Variants in ABR observed in about 807,000 individuals in gnomAD.
ABR encodes the protein ABR activator of RhoGEF and GTPase.
ABR carries 35 observed loss-of-function variants against 107.2 expected under a neutral mutation model. The ratio of observed to expected loss-of-function variants is 0.33; its 90% CI spans 0.25 to 0.43. ABR has a LOEUF of 0.43. ABR is among the 20% of genes least tolerant of loss of function. The pLI is 1.00. For synonymous variants in ABR, 498 were observed against 462.0 expected (o/e 1.08, Z -1.00); for missense variants, 815 against 1,115.2 (o/e 0.73, Z 3.83).
At chr17:1,180,224 C>G (rs1311794037), upstream of ABR, among the ~76,000 whole-genome samples, 1 of 152,066 alleles carries the variant, frequency 6.6e-6, no homozygotes, top group African/African-American at 2.4e-5. Context: ...CTCGTCCCCC[C>G]CGCGCCGGGC....
rs1001202054 is a variant in ABR at position 1,071,973 on chromosome 17, G to A, written c.894+641C>T. Among the ~76,000 whole-genome samples the A allele has an allele frequency of 7.2e-5, 11 of 152,180 alleles. No individual in the cohort carries two copies. Among genetic ancestry groups the A allele is most frequent in the East Asian group, 1.9e-4 (1 of 5,198 alleles). ...GGCTGGAGTGCAGTGGTGCGATCTC[G>A]GCTCACTGTAACCTCCGCCTCCTGG... On this transcript the variant is annotated intron_variant, in intron 8 of 22. Coordinates refer to ENST00000302538, the MANE Select transcript of ABR (RefSeq NM_021962.5). This position sits in a 1 kb window ranked among gnomAD's most constrained non-coding sequence, Gnocchi z 5.1.
intron 16 of ABR, among the ~76,000 whole-genome samples, chr17:1,018,607 G>A (rs76292169): frequency 9.9e-5 from 15 of 152,056 alleles, no homozygotes; most frequent in South Asian, 2.1e-4. Context: ...CAACCTGGTC[G>A]GGGGGAGTGT....
chr17:1,113,684 CAG>C (rs1249330706), intron 2 of ABR, among the ~76,000 whole-genome samples: 6 of 152,216 alleles, frequency 3.9e-5, no homozygotes, highest in African/African-American at 1.4e-4. Flanking sequence ...CTGGTGCCCT[CAG>C]AGCCCACTCT....
intron 16 of ABR, among the ~76,000 whole-genome samples, chr17:1,033,764 G>C: frequency 6.6e-6 from 1 of 152,134 alleles, no homozygotes; most frequent in Admixed American, 6.6e-5. Flanking sequence ...CACCGCCTGA[G>C]GGGGAGGTGG....
intron 1 of ABR, among the ~76,000 whole-genome samples, chr17:1,170,710 A>C (rs59970882): frequency 0.016 from 2,509 of 152,160 alleles, 74 homozygotes; most frequent in African/African-American, 0.057. Flanking sequence ...TGCTGGGATT[A>C]CAGGCGTGAG....
chr17:1,021,860 G>A (rs537586235), intron 16 of ABR, among the ~76,000 whole-genome samples: 7 of 141,908 alleles, frequency 4.9e-5, no homozygotes, highest in African/African-American at 7.9e-5. Context: ...GGACAGGAAC[G>A]CTAGAAAATG....
Position 1,125,521 on chromosome 17 carries a change from C to A in ABR, c.62-154G>T, listed in dbSNP as rs1597905152. On this transcript the variant is annotated intron_variant, in intron 1 of 22. Transcript: ENST00000302538. Reference sequence around the variant, plus strand: ...GGCGGGGGCTGTGCGGGGGCCTGGGCCTGGTGAGGGGCGGGGGAGAGCCAG... The same window carrying A: ...GGCGGGGGCTGTGCGGGGGCCTGGGACTGGTGAGGGGCGGGGGAGAGCCAG... The A allele has an allele frequency of 7.8e-6, 5 of 639,060 alleles. No homozygotes were observed. The East Asian group carries it at 1.9e-4, about 24-fold the overall frequency. 39.6% of individuals were successfully genotyped at this position (639,060 alleles called of 1,614,324 possible). A position where few individuals can be genotyped will look rare whatever the true frequency, so the allele number is the denominator to read the frequency against.
rs1029276233 is a variant in ABR, at chr17:1,196,758, G to A, written c.838+32035C>T. 4.6e-5 allele frequency among the ~76,000 whole-genome samples: 7 copies of A among 150,778 alleles called. No homozygotes were observed. In the South Asian group the frequency reaches 8.4e-4, roughly 18 times the overall value. On this transcript the variant is annotated intron_variant, in intron 1 of 22. Transcript: ENST00000574139. ...CGCCCAGGCTGGAGTGCAGTGGCGC[G>A]ATCCTGGCTCACCGCAAGCTCCGCC...
Position 1,078,962 on chromosome 17 carries a change from C to CG in ABR, c.700+367dup. 1 of 1,505,678 alleles carries CG rather than the reference C, an allele frequency of 6.6e-7. No individual in the cohort carries two copies. The highest frequency in any genetic ancestry group is 8.9e-7 in the Non-Finnish European group (1 of 1,128,540). The allele number at this position is 1,505,678 out of a possible 1,614,324, so 93.3% of individuals were successfully genotyped here. The stretch of plus-strand genomic sequence containing the variant: ...CAGCCACCTTGCTGATGCTGCCGCA[C>CG]GGACTCCAGCATCGGGCAGCCGCTC... On this transcript the variant is annotated intron_variant, in intron 6 of 22. Coordinates refer to ENST00000302538, the MANE Select transcript of ABR (RefSeq NM_021962.5). The surrounding 1 kb of genome is among the most constrained non-coding windows in gnomAD (Gnocchi z 7.5).
chr17:1,124,575 A>T (rs1350938050), intron 2 of ABR, among the ~76,000 whole-genome samples: 2 of 152,210 alleles, frequency 1.3e-5, no homozygotes, highest in Non-Finnish European at 2.9e-5. Flanking sequence ...CAAACCCTCC[A>T]CAGTTTCTAT....
intron 4 of ABR, among the ~76,000 whole-genome samples, chr17:1,086,502 CT>C (rs11288862): frequency 0.15 from 21,140 of 140,458 alleles, 1,701 homozygotes; most frequent in Middle Eastern, 0.27. Flanking sequence ...TACTTATACA[CT>C]TTTTTTTTTT....
At position 1,037,458 on chromosome 17, in the gene ABR, A is replaced by G. The variant is rs141483421; in HGVS notation, c.1791+12592T>C. Among the ~76,000 whole-genome samples, 143 of 152,308 alleles carry G rather than the reference A, an allele frequency of 9.4e-4. No individual in the cohort carries two copies. The highest frequency in any genetic ancestry group is 1.4e-3 in the Non-Finnish European group (95 of 68,022). ...CCAAGAGCTTGTCTGCTGCAGGAGA[A>G]GTGTCCCGACAGCCCGTCCCTGGCA... On this transcript the variant is annotated intron_variant, in intron 16 of 22. Transcript: ENST00000302538. This position sits in a 1 kb window ranked among gnomAD's most constrained non-coding sequence, Gnocchi z 4.6.
At chr17:1,025,789 TTTG>T (rs1169630782) in intron 16 of ABR, among the ~76,000 whole-genome samples, 1 of 152,172 alleles carries the variant, frequency 6.6e-6, no homozygotes, top group Non-Finnish European at 1.5e-5. Context: ...AAGGATCTCA[TTTG>T]TTGACGGACT....
intron 10 of ABR, among the ~76,000 whole-genome samples, chr17:1,059,703 C>A (rs1482069652): frequency 6.6e-6 from 1 of 152,222 alleles, no homozygotes; most frequent in East Asian, 1.9e-4. Flanking sequence ...TCGTAAAGGA[C>A]CCCCTCCCTT....
chr17:1,128,805 G>C (rs2039703982), intron 1 of ABR, among the ~76,000 whole-genome samples: 1 of 116,886 alleles, frequency 8.6e-6, no homozygotes, highest in Non-Finnish European at 1.8e-5. Flanking sequence ...CACAAGCTGG[G>C]AGTCCAGGTC....
intron 1 of ABR, among the ~76,000 whole-genome samples, chr17:1,220,396 C>G (rs1171708267): frequency 6.6e-6 from 1 of 152,154 alleles, no homozygotes; most frequent in Non-Finnish European, 1.5e-5. Context: ...CCGACTGTAG[C>G]GAGCGTCGAA....
intron 21 of ABR, 116 bp from the exon 22 acceptor site, chr17:1,007,428 G>T (rs545655400): frequency 7.9e-7 from 1 of 1,271,396 alleles, no homozygotes; most frequent in Non-Finnish European, 1.1e-6. Context: ...GGGTCACCTC[G>T]TCTCTGTCTC....
At chr17:1,098,797 G>A (rs1217879684) in intron 3 of ABR, among the ~76,000 whole-genome samples, 3 of 152,178 alleles carry the variant, frequency 2.0e-5, no homozygotes, top group Non-Finnish European at 4.4e-5. Flanking sequence ...TGGCAAAACA[G>A]CTGCACATTC....
Position 1,146,669 on chromosome 17 carries a change from G to T in ABR, c.62-21302C>A, listed in dbSNP as rs377131941. Among the ~76,000 whole-genome samples, 67 of 112,916 alleles carry T rather than the reference G, an allele frequency of 5.9e-4. 1 individual carries two copies. Among genetic ancestry groups the T allele is most frequent in the African/African-American group, 7.3e-4 (20 of 27,420 alleles). The allele number at this position is 112,916 out of a possible 152,430, so 74.1% of individuals were successfully genotyped here. On this transcript the variant is annotated intron_variant, in intron 1 of 22. Transcript: ENST00000302538. ...CTGCCACATGCCACCACTGCCACCA[G>T]GCCACCACTGCCACACGACACCACT...
Sources: gnomAD v4.1 joint callset for allele counts (sites outside exome capture counted in the v4.1 genomes callset) on GRCh38, gnomAD v4.1.1 for gene constraint, Gnocchi (gnomAD v3.1) non-coding constraint, MANE v1.5 for transcripts, NCBI Gene and HGNC (gene_info 2026-07-23, HGNC 2026-07-21) for gene names.